POLK: variants seen among roughly 807,000 people sequenced by gnomAD.
POLK encodes the protein DNA polymerase kappa.
Under a neutral mutation model 94.0 loss-of-function variants are expected in POLK, and 76 were observed. The observed-to-expected ratio is 0.81, with a 90% CI of 0.67 to 0.98. The LOEUF (loss-of-function observed/expected upper bound fraction) is 0.98. Ranked by LOEUF, POLK falls within the 50% of genes least tolerant of loss-of-function variation. The pLI is 0.00. For missense variants in POLK, 954 were observed against 1,010.1 expected (o/e 0.94, Z 0.75); for synonymous variants, 349 against 325.4 (o/e 1.07, Z -0.78).
downstream of POLK, among the ~76,000 whole-genome samples, chr5:75,605,021 A>G (rs542361156): frequency 6.0e-4 from 91 of 152,168 alleles, no homozygotes; most frequent in South Asian, 4.8e-3. Flanking sequence ...CAGAATGCTC[A>G]GGGAGATTAA....
chr5:75,586,408 G>T (rs1050824712), intron 9 of POLK, among the ~76,000 whole-genome samples: 2 of 152,094 alleles, frequency 1.3e-5, no homozygotes, highest in African/African-American at 4.8e-5. Context: ...CTAGAACAGT[G>T]CTTGAATCAT....
At chr5:75,554,446 G>A (rs1770489381) in intron 3 of POLK, among the ~76,000 whole-genome samples, 2 of 151,814 alleles carry the variant, frequency 1.3e-5, no homozygotes, top group East Asian at 3.9e-4. Flanking sequence ...ATCAAATCCA[G>A]TGACTTTTTT....
At chr5:75,571,481 A>G (rs1450341627) in intron 4 of POLK, among the ~76,000 whole-genome samples, 3 of 152,166 alleles carry the variant, frequency 2.0e-5, no homozygotes, top group African/African-American at 7.2e-5. Context: ...TGCGATGGCG[A>G]TGGCTCAACC....
chr5:75,522,851 T>G (rs902682285), intron 1 of POLK, among the ~76,000 whole-genome samples: 12 of 151,172 alleles, frequency 7.9e-5, no homozygotes, highest in African/African-American at 3.0e-4. Flanking sequence ...AGAATCAGTT[T>G]TATTCTGTTA....
intron 1 of POLK, among the ~76,000 whole-genome samples, chr5:75,529,523 T>C (rs1483933579): frequency 6.6e-6 from 1 of 152,210 alleles, no homozygotes; most frequent in Non-Finnish European, 1.5e-5. Flanking sequence ...GTAATTGTTA[T>C]ACTGTTACAT....
the POLK span, chr5:75,608,849 CAG>C: frequency 2.0e-5 from 3 of 152,178 alleles, no homozygotes; most frequent in Non-Finnish European, 4.4e-5. Context: ...GGCCCAAGAT[CAG>C]AGAGATGAGT....
At position 75,597,840 on chromosome 5, in the gene POLK, T is replaced by G. The variant is rs565886415; in HGVS notation, c.2528+51T>G. The G allele has an allele frequency of 1.5e-5, 19 of 1,249,686 alleles. No individual in the cohort carries two copies. In the East Asian group the frequency reaches 2.6e-4, roughly 17 times the overall value. 77.4% of individuals were successfully genotyped at this position (1,249,686 alleles called of 1,614,324 possible). The stretch of plus-strand genomic sequence containing the variant: ...AGCTGGCTACAATATGAAAATTCAA[T>G]TATTTTATAAATTATTAAGTAATCA... On this transcript the variant is annotated intron_variant, in intron 14 of 14. Coordinates refer to ENST00000241436, the Ensembl canonical transcript of POLK.
intron 1 of POLK, among the ~76,000 whole-genome samples, chr5:75,537,164 A>G (rs1386512989): frequency 2.6e-5 from 4 of 152,228 alleles, no homozygotes; most frequent in South Asian, 2.1e-4. Context: ...TATTGAGGCT[A>G]TAACACTGGT....
intron 6 of POLK, among the ~76,000 whole-genome samples, chr5:75,577,951 T>TA (rs1771990417): frequency 1.3e-5 from 2 of 152,182 alleles, no homozygotes; most frequent in Non-Finnish European, 2.9e-5. Context: ...TGTAACTTTA[T>TA]TGTTTGAGGA....
At chr5:75,525,160 A>C (rs565468507) in intron 1 of POLK, among the ~76,000 whole-genome samples, 5 of 152,364 alleles carry the variant, frequency 3.3e-5, no homozygotes, top group African/African-American at 1.2e-4. Flanking sequence ...AATGTGAACT[A>C]TTTTCAAAGA....
At position 75,511,819 on chromosome 5, in the gene POLK, G is replaced by A. The variant is rs768787922; in HGVS notation, c.-109G>A. The stretch of plus-strand genomic sequence containing the variant: ...AGGAGGAGCGGAGAAAGGAGAGGGC[G>A]GGGTAGGGATGCAGCTGTGCTGCAT... On this transcript the variant is annotated 5_prime_UTR_variant, in exon 1 of 15. Transcript: ENST00000241436. 10 of 1,551,274 alleles carry A rather than the reference G, an allele frequency of 6.4e-6. No individual in the cohort carries two copies. In the African/African-American group the frequency reaches 8.2e-5, roughly 13 times the overall value.
At chr5:75,533,632 C>T (rs1249460237) in intron 1 of POLK, among the ~76,000 whole-genome samples, 1 of 152,046 alleles carries the variant, frequency 6.6e-6, no homozygotes, top group Non-Finnish European at 1.5e-5. Flanking sequence ...TGAAGAGTGT[C>T]CTTTGTAGTT....
intron 5 of POLK, among the ~76,000 whole-genome samples, chr5:75,576,097 C>CTAATCTT (rs1443436761): frequency 4.6e-5 from 7 of 152,058 alleles, no homozygotes; most frequent in African/African-American, 1.7e-4. Flanking sequence ...CACTATAATT[C>CTAATCTT]TAATCTTTAT....
At chr5:75,548,122 G>A (rs3104727) in intron 2 of POLK, among the ~76,000 whole-genome samples, 152,130 of 152,282 alleles carry the variant, frequency 1, 75,994 homozygotes, top group Middle Eastern at 1. Flanking sequence ...CGGTCTCACT[G>A]TGTTGCCCAG....
intron 1 of POLK, among the ~76,000 whole-genome samples, chr5:75,515,231 A>G (rs889001860): frequency 6.6e-6 from 1 of 152,196 alleles, no homozygotes; most frequent in African/African-American, 2.4e-5. Flanking sequence ...ATTTACTATC[A>G]TTTTATTTTT....
In POLK at chr5:75,528,449, A is replaced by G. The variant is rs143842853; in HGVS notation, c.-14+16535A>G. On this transcript the variant is annotated intron_variant, in intron 1 of 14. Transcript: ENST00000241436. ...TATTATCTTTGTTTCCCTTTTATGCATTCTGATATAAAATTTTTTGTAGCA... is the reference window on the plus strand; with the variant it reads ...TATTATCTTTGTTTCCCTTTTATGCGTTCTGATATAAAATTTTTTGTAGCA... 2.2e-3 allele frequency among the ~76,000 whole-genome samples: 328 copies of G among 152,178 alleles called. 1 individual carries two copies. Among genetic ancestry groups the G allele is most frequent in the African/African-American group, 7.3e-3 (302 of 41,544 alleles).
chr5:75,546,668 G>A (rs1168910863), intron 1 of POLK, among the ~76,000 whole-genome samples: 1 of 125,516 alleles, frequency 8.0e-6, no homozygotes, highest in Non-Finnish European at 1.5e-5. Context: ...TCTGGTTTTT[G>A]TTTGTTTGTG....
chr5:75,593,363 C>T (rs1269241484), intron 11 of POLK, among the ~76,000 whole-genome samples: 1 of 152,128 alleles, frequency 6.6e-6, no homozygotes, highest in Non-Finnish European at 1.5e-5. Context: ...AACTCCTGAC[C>T]TCGTGATCCG....
chr5:75,603,544 T>C (rs1773349231), downstream of POLK, among the ~76,000 whole-genome samples: 1 of 152,052 alleles, frequency 6.6e-6, no homozygotes, highest in East Asian at 1.9e-4. Context: ...GTGTAAATGC[T>C]CCCACCATGA....
Sources: gnomAD v4.1 joint callset for allele counts (sites outside exome capture counted in the v4.1 genomes callset) on GRCh38, gnomAD v4.1.1 for gene constraint, MANE v1.5 for transcripts, NCBI Gene and HGNC (gene_info 2026-07-23, HGNC 2026-07-21) for gene names.